The following RFX4 variants were observed in gnomAD, a reference collection of about 807,000 sequenced individuals.
RFX4 encodes the protein transcription factor RFX4.
Under a neutral mutation model 95.0 loss-of-function variants are expected in RFX4, and 10 were observed. The observed-to-expected ratio is 0.11, with a 90% CI of 0.06 to 0.18. The LOEUF (loss-of-function observed/expected upper bound fraction) is 0.18. Ranked by LOEUF, RFX4 falls within the 10% of genes least tolerant of loss-of-function variation. The pLI is 1.00. For synonymous variants in RFX4, 321 were observed against 340.7 expected (o/e 0.94, Z 0.64); for missense variants, 640 against 922.0 (o/e 0.69, Z 3.96).
intron 1 of RFX4, among the ~76,000 whole-genome samples, chr12:106,584,308 T>TTACA (rs1565939683): frequency 6.6e-6 from 1 of 152,108 alleles, no homozygotes; most frequent in Non-Finnish European, 1.5e-5. Context: ...GGAAGTTCTC[T>TTACA]TACAGTTCAC....
intron 8 of RFX4, among the ~76,000 whole-genome samples, chr12:106,709,022 C>T (rs1245770063): frequency 6.6e-6 from 1 of 152,178 alleles, no homozygotes; most frequent in East Asian, 1.9e-4. Flanking sequence ...CCACTGTCTT[C>T]ACCCCTCACA....
At chr12:106,673,281 G>A (rs1054964387) in intron 4 of RFX4, among the ~76,000 whole-genome samples, 4 of 152,166 alleles carry the variant, frequency 2.6e-5, no homozygotes, top group South Asian at 4.1e-4. Context: ...CCCCTGCTCC[G>A]GCTCCTCCCT....
intron 8 of RFX4, among the ~76,000 whole-genome samples, chr12:106,698,367 C>G (rs887942041): frequency 5.9e-5 from 9 of 152,066 alleles, no homozygotes; most frequent in Non-Finnish European, 1.3e-4. Context: ...CAGCCTCAAA[C>G]TCCTGGGTTC....
Position 106,583,109 on chromosome 12 carries a change from CCT to C in RFX4, c.-204_-203del, listed in dbSNP as rs747128854. The C allele has an allele frequency of 2.5e-5, 11 of 446,700 alleles. No individual in the cohort carries two copies. The highest frequency in any genetic ancestry group is 4.2e-5 in the Non-Finnish European group (11 of 259,406). 27.7% of individuals were successfully genotyped at this position (446,700 alleles called of 1,614,324 possible). On this transcript the variant is annotated 5_prime_UTR_variant, in exon 1 of 18. Coordinates refer to ENST00000392842, the MANE Select transcript of RFX4 (RefSeq NM_213594.3). The stretch of plus-strand genomic sequence containing the variant: ...TTCTCCGAGCTCGCTCCCTTCTCTC[CCT>C]CTCTCTCCTCTTTTCTTCTTTCTCT...
chr12:106,744,998 G>A (rs902623587), intron 15 of RFX4, among the ~76,000 whole-genome samples: 4 of 152,120 alleles, frequency 2.6e-5, no homozygotes, highest in Non-Finnish European at 5.9e-5. Context: ...CTGAGCGATC[G>A]TCAGTCTTAG....
In RFX4 at chr12:106,761,515, T is replaced by C. The variant is rs2043208146; in HGVS notation, c.*46T>C. 1 of 1,262,538 alleles carries C rather than the reference T, an allele frequency of 7.9e-7. No individual in the cohort carries two copies. Among genetic ancestry groups the C allele is most frequent in the Non-Finnish European group, 1.0e-6 (1 of 987,232 alleles). The allele number at this position is 1,262,538 out of a possible 1,614,324, so 78.2% of individuals were successfully genotyped here. A position where few individuals can be genotyped will look rare whatever the true frequency, so the allele number is the denominator to read the frequency against. The stretch of plus-strand genomic sequence containing the variant: ...ATTTAATATTAATAATAATAATTAA[T>C]AATAATAATAAACCCAACACCCATC... On this transcript the variant is annotated 3_prime_UTR_variant, in exon 18 of 18. Transcript: ENST00000392842.
At position 106,586,274 on chromosome 12, in the gene RFX4, C is replaced by T. The variant is rs1011664905; in HGVS notation, c.43+2911C>T. ...TCCCGCTCGGCCCGCGCTACAGCCC[C>T]ACGCCGCGCAAAAGTGGGTGCTGAG... On this transcript the variant is annotated intron_variant, in intron 1 of 17. Coordinates refer to ENST00000392842, the MANE Select transcript of RFX4 (RefSeq NM_213594.3). The surrounding 1 kb of genome is among the most constrained non-coding windows in gnomAD (Gnocchi z 5.6). Among the ~76,000 whole-genome samples, 2 of 152,106 alleles carry T rather than the reference C, an allele frequency of 1.3e-5. No individual in the cohort carries two copies. The highest frequency in any genetic ancestry group is 4.8e-5 in the African/African-American group (2 of 41,450).
At chr12:106,711,231 A>G (rs1352270811) in intron 9 of RFX4, among the ~76,000 whole-genome samples, 2 of 152,202 alleles carry the variant, frequency 1.3e-5, no homozygotes, top group East Asian at 3.8e-4. Context: ...ACTTTGAAAT[A>G]TGTACCCCAA....
chr12:106,651,318 C>A (rs1031876086), intron 3 of RFX4, among the ~76,000 whole-genome samples: 1 of 152,182 alleles, frequency 6.6e-6, no homozygotes, highest in African/African-American at 2.4e-5. Context: ...ATGAGTTACA[C>A]CCTCTGAGCC....
At chr12:106,587,296 C>G (rs966664176) in intron 1 of RFX4, among the ~76,000 whole-genome samples, 1 of 152,184 alleles carries the variant, frequency 6.6e-6, no homozygotes, top group Non-Finnish European at 1.5e-5. Context: ...CTCCCGCCCC[C>G]GTCCCCAGCG....
chr12:106,750,874 A>C, intron 17 of RFX4, 81 bp downstream of exon 17: 1 of 1,283,044 alleles, frequency 7.8e-7, no homozygotes, highest in Non-Finnish European at 1.0e-6. Context: ...ATAAACTGTT[A>C]TGCATACTGT....
At chr12:106,653,232 T>C (rs61943280) in intron 3 of RFX4, among the ~76,000 whole-genome samples, 2,529 of 152,278 alleles carry the variant, frequency 0.017, 31 homozygotes, top group Middle Eastern at 0.051. Flanking sequence ...GGTTAAAGAA[T>C]AATAAATTTT....
At chr12:106,747,662 G>A in intron 16 of RFX4, 63 bp downstream of exon 16, 1 of 1,565,326 alleles carries the variant, frequency 6.4e-7, no homozygotes, top group South Asian at 1.2e-5. Context: ...GCTGGGCACA[G>A]CAGCTCACAC....
At chr12:106,664,969 G>A (rs1045028121) in intron 4 of RFX4, among the ~76,000 whole-genome samples, 3 of 151,804 alleles carry the variant, frequency 2.0e-5, no homozygotes, top group African/African-American at 7.2e-5. Context: ...ATAAGTTTGA[G>A]AATATATATT....
intron 5 of RFX4, 142 bp from the exon 6 acceptor site, chr12:106,686,742 T>C: frequency 2.9e-6 from 2 of 689,546 alleles, no homozygotes; most frequent in South Asian, 3.7e-5. Context: ...AGTTAACTCT[T>C]CTATCCCCAG....
chr12:106,736,412 T>C (rs1882544), intron 15 of RFX4, among the ~76,000 whole-genome samples: 32,861 of 152,036 alleles, frequency 0.22, 4,029 homozygotes, highest in East Asian at 0.33. Flanking sequence ...AGGAATCTTG[T>C]TCAGCAAACT....
rs868047155 is a variant in RFX4, at chr12:106,638,789, A to G, written c.131-543A>G. Among the ~76,000 whole-genome samples the G allele has an allele frequency of 2.6e-5, 4 of 152,124 alleles. No homozygotes were observed. In the South Asian group the frequency reaches 8.3e-4, roughly 32 times the overall value. On this transcript the variant is annotated intron_variant, in intron 2 of 17. Coordinates refer to ENST00000392842, the MANE Select transcript of RFX4 (RefSeq NM_213594.3). Reference sequence around the variant, plus strand: ...TTCTCACTATCTTCTCTGTCTTCTCAGAGGGGAGAAAGTGGTATGGGGGAG... The same window carrying G: ...TTCTCACTATCTTCTCTGTCTTCTCGGAGGGGAGAAAGTGGTATGGGGGAG...
At chr12:106,689,167 T>G in intron 6 of RFX4, 120 bp from the exon 7 acceptor site, 1 of 835,872 alleles carries the variant, frequency 1.2e-6, no homozygotes, top group Non-Finnish European at 2.1e-6. Context: ...GCTGAGCCGG[T>G]GTTAGGTGAA....
chr12:106,604,329 C>T lies in RFX4; in HGVS notation c.44-4468C>T, dbSNP rs531831870. On this transcript the variant is annotated intron_variant, in intron 1 of 17. Transcript: ENST00000392842. ...TAGAGACGGGGTTTCGCCATGTTGG[C>T]CAGGCTGGTCTTGAACTCCTGACCT... is the stretch of plus-strand genomic sequence containing the variant. Among the ~76,000 whole-genome samples, 8 of 151,988 alleles carry T rather than the reference C, an allele frequency of 5.3e-5. No individual in the cohort carries two copies. The South Asian group carries it at 1.7e-3, about 32-fold the overall frequency.
Sources: allele counts gnomAD v4.1 joint callset (sites outside exome capture counted in the v4.1 genomes callset), GRCh38; gene constraint gnomAD v4.1.1; non-coding constraint Gnocchi (gnomAD v3.1); transcripts MANE v1.5; gene names NCBI Gene and HGNC (gene_info 2026-07-23, HGNC 2026-07-21).